CELF2: variants seen among roughly 807,000 people sequenced by gnomAD.
CELF2 encodes CUGBP Elav-like family member 2.
A neutral mutation model predicts 62.6 loss-of-function variants in CELF2; 8 were observed. That is an observed-to-expected ratio of 0.13 (90% confidence interval 0.07 to 0.23). The LOEUF is 0.23. Among genes scored for constraint, CELF2 ranks in the 10% least tolerant of loss-of-function variants. The probability of loss-of-function intolerance (pLI) is 1.00; values close to 1 mark genes in which losing one functional copy is unlikely to be tolerated. For synonymous variants in CELF2, 258 were observed against 250.0 expected, an observed-to-expected ratio of 1.03 and a Z score of -0.30; for missense variants, 333 against 671.0, an observed-to-expected ratio of 0.50 and a Z score of 5.56.
chr10:11,142,451 G>A (rs187293076), intron 1 of CELF2, among the ~76,000 whole-genome samples: 20 of 152,208 alleles, frequency 1.3e-4, no homozygotes, highest in South Asian at 1.0e-3. Flanking sequence ...TTGGGAGGCC[G>A]AGGCAGGCAG....
intron 1 of CELF2, among the ~76,000 whole-genome samples, chr10:10,911,856 A>G (rs7893924): frequency 0.86 from 130,138 of 152,172 alleles, 55,759 homozygotes; most frequent in East Asian, 0.94. Flanking sequence ...TAGCTGGCTC[A>G]TATTGCAATC....
chr10:10,487,694 G>A, the CELF2 span, among the ~76,000 whole-genome samples: 1 of 152,100 alleles, frequency 6.6e-6, no homozygotes, highest in South Asian at 2.1e-4. Flanking sequence ...CAATTTAACT[G>A]GTAAATTCCA....
chr10:11,257,969 C>A, intron 5 of CELF2, 97 bp downstream of exon 5: 1 of 1,411,988 alleles, frequency 7.1e-7, no homozygotes, highest in Non-Finnish European at 9.8e-7. Flanking sequence ...GGCAAGAGGT[C>A]ACCCTGTAAT....
the CELF2 span, among the ~76,000 whole-genome samples, chr10:10,561,534 G>C: frequency 6.6e-6 from 1 of 152,208 alleles, no homozygotes; most frequent in African/African-American, 2.4e-5. Context: ...AGAGAATTAA[G>C]ACATTAAGTA....
the CELF2 span, among the ~76,000 whole-genome samples, chr10:10,463,549 C>T: frequency 6.6e-6 from 1 of 152,158 alleles, no homozygotes; most frequent in South Asian, 2.1e-4. Context: ...TTTTACATCA[C>T]ATCTTAATGT....
intron 1 of CELF2, among the ~76,000 whole-genome samples, chr10:11,151,031 A>ATAAATAAAGAC (rs146005867): frequency 0.048 from 7,371 of 152,292 alleles, 197 homozygotes; most frequent in African/African-American, 0.064. Flanking sequence ...CAGGAGCAAA[A>ATAAATAAAGAC]TATTAGTTAA....
the CELF2 span, among the ~76,000 whole-genome samples, chr10:10,788,144 A>C: frequency 6.2e-4 from 95 of 152,334 alleles, no homozygotes; most frequent in Non-Finnish European, 1.2e-3. Context: ...CTGCTTTTCA[A>C]AGAAGCTTCA....
At chr10:11,107,536 C>T (rs2053841717) in intron 1 of CELF2, among the ~76,000 whole-genome samples, 1 of 152,052 alleles carries the variant, frequency 6.6e-6, no homozygotes. Flanking sequence ...ACACTTACTG[C>T]AGTCCCAAGT....
intron 1 of CELF2, among the ~76,000 whole-genome samples, chr10:10,870,921 C>T (rs941450654): frequency 6.6e-6 from 1 of 152,150 alleles, no homozygotes; most frequent in Non-Finnish European, 1.5e-5. Flanking sequence ...CTAGACATTA[C>T]CGGACTCACT....
the CELF2 span, chr10:10,789,072 T>C: frequency 6.6e-6 from 1 of 152,088 alleles, no homozygotes; most frequent in South Asian, 2.1e-4. Flanking sequence ...GAAAGATGAT[T>C]GCAAAAGAGA....
chr10:11,098,610 C>T lies in CELF2; in HGVS notation c.75-66876C>T, dbSNP rs2050579823. 6.6e-6 allele frequency: 1 copy of T among 152,168 alleles called. No homozygotes were observed. The highest frequency in any genetic ancestry group is 1.5e-5 in the Non-Finnish European group (1 of 68,026). The allele number at this position is 152,168 out of a possible 1,614,324, so 9.4% of individuals were successfully genotyped here. On this transcript the variant is annotated intron_variant, in intron 1 of 12. Transcript: ENST00000633077. The surrounding 1 kb of genome is among the most constrained non-coding windows in gnomAD (Gnocchi z 4.0). ...CCTTTAGAAAGGCACAGTGAGCACG[C>T]TCATTTTTTTTCCATTTTAGACAAA...
At chr10:10,723,623 A>G in the CELF2 span, among the ~76,000 whole-genome samples, 2 of 152,206 alleles carry the variant, frequency 1.3e-5, no homozygotes, top group African/African-American at 2.4e-5. Flanking sequence ...TTTAAAGCAC[A>G]TAACTCCACC....
At chr10:10,740,056 A>G in the CELF2 span, among the ~76,000 whole-genome samples, 1 of 150,778 alleles carries the variant, frequency 6.6e-6, no homozygotes, top group Non-Finnish European at 1.5e-5. Context: ...TTTTCTCTCA[A>G]TTCATAGACT....
chr10:11,144,772 G>A (rs114301825), intron 1 of CELF2, among the ~76,000 whole-genome samples: 1,958 of 151,616 alleles, frequency 0.013, 41 homozygotes, highest in African/African-American at 0.045. Context: ...CACGCCTGTC[G>A]TACCAGCTAC....
the CELF2 span, among the ~76,000 whole-genome samples, chr10:10,617,314 T>A: frequency 6.6e-6 from 1 of 152,166 alleles, no homozygotes; most frequent in Non-Finnish European, 1.5e-5. Flanking sequence ...GTGAGTCATA[T>A]AATATTCACA....
intron 1 of CELF2, among the ~76,000 whole-genome samples, chr10:10,828,053 TTGG>T (rs920535410): frequency 2.8e-5 from 4 of 141,686 alleles, no homozygotes; most frequent in Non-Finnish European, 6.1e-5. Context: ...TGGTACAGTG[TTGG>T]TGGGAATGTA....
intron 1 of CELF2, among the ~76,000 whole-genome samples, chr10:11,063,485 C>T (rs968451039): frequency 2.6e-5 from 4 of 152,290 alleles, no homozygotes; most frequent in Admixed American, 2.0e-4. Context: ...GTGTGCTAAG[C>T]GCTGTGCATA....
At chr10:11,023,090 G>A (rs1277711368) in intron 1 of CELF2, among the ~76,000 whole-genome samples, 3 of 152,104 alleles carry the variant, frequency 2.0e-5, no homozygotes, top group Non-Finnish European at 4.4e-5. Flanking sequence ...GTTTCTTCAC[G>A]GGAGGGTCAC....
intron 2 of CELF2, among the ~76,000 whole-genome samples, chr10:11,168,734 T>G (rs1407689309): frequency 6.6e-6 from 1 of 152,158 alleles, no homozygotes; most frequent in Non-Finnish European, 1.5e-5. Flanking sequence ...GAATTAGATT[T>G]TCCCCCTCAC....
Sources: gnomAD v4.1 joint callset for allele counts (sites outside exome capture counted in the v4.1 genomes callset) on GRCh38, gnomAD v4.1.1 for gene constraint, Gnocchi (gnomAD v3.1) non-coding constraint, MANE v1.5 for transcripts, NCBI Gene and HGNC (gene_info 2026-07-23, HGNC 2026-07-21) for gene names.